The following CEP83 variants were observed in gnomAD, a reference collection of about 807,000 sequenced individuals.
CEP83 encodes the protein centrosomal protein 83.
A neutral mutation model predicts 101.9 loss-of-function variants in CEP83; 70 were observed. That is an observed-to-expected ratio of 0.69 (90% CI 0.57 to 0.84). CEP83 has a LOEUF of 0.84. CEP83 is among the 40% of genes least tolerant of loss of function. The pLI is 0.00. For synonymous variants in CEP83, 264 were observed against 267.9 expected (o/e 0.99, Z 0.14); for missense variants, 715 against 787.2 (o/e 0.91, Z 1.10).
At chr12:94,438,546 A>T (rs1309787758) in intron 1 of CEP83, among the ~76,000 whole-genome samples, 1 of 152,224 alleles carries the variant, frequency 6.6e-6, no homozygotes, top group Admixed American at 6.5e-5. Context: ...AAATTTATAA[A>T]ACAATTACTA....
intron 1 of CEP83, among the ~76,000 whole-genome samples, chr12:94,449,078 C>G (rs1005111382): frequency 6.9e-6 from 1 of 143,938 alleles, no homozygotes; most frequent in African/African-American, 2.6e-5. Flanking sequence ...ATACAAATTA[C>G]CAAAATCAAG....
downstream of CEP83, among the ~76,000 whole-genome samples, chr12:94,304,808 T>C (rs375423762): frequency 6.6e-6 from 1 of 152,196 alleles, no homozygotes. Context: ...GGGAAGGATC[T>C]GTCTCTGACC....
chr12:94,295,579 G>A, the CEP83 span, among the ~76,000 whole-genome samples: 48 of 152,164 alleles, frequency 3.2e-4, no homozygotes, highest in East Asian at 7.9e-3. Flanking sequence ...GAGAGCCACC[G>A]TCTTACACCC....
chr12:94,365,962 T>C (rs955494096), intron 11 of CEP83, among the ~76,000 whole-genome samples: 4 of 151,954 alleles, frequency 2.6e-5, no homozygotes, highest in African/African-American at 4.8e-5. Flanking sequence ...CAATGACATC[T>C]GGTATTTGTG....
At chr12:94,285,751 T>G in the CEP83 span, among the ~76,000 whole-genome samples, 1 of 152,130 alleles carries the variant, frequency 6.6e-6, no homozygotes, top group African/African-American at 2.4e-5. Flanking sequence ...TTCAGGGTTC[T>G]AGACCTGCAA....
intron 1 of CEP83, among the ~76,000 whole-genome samples, chr12:94,458,962 A>C (rs1239126429): frequency 6.6e-6 from 1 of 152,226 alleles, no homozygotes. Flanking sequence ...CTGCTTTAAC[A>C]ACCCACTCTG....
intron 4 of CEP83, among the ~76,000 whole-genome samples, chr12:94,406,118 CACTACACTAAAT>C (rs1311635893): frequency 2.0e-5 from 3 of 152,122 alleles, no homozygotes; most frequent in African/African-American, 7.2e-5. Context: ...AAATAATTAG[CACTACACTAAAT>C]ACTACTCTGC....
At chr12:94,418,509 A>T (rs376893275) in intron 2 of CEP83, among the ~76,000 whole-genome samples, 14 of 152,350 alleles carry the variant, frequency 9.2e-5, no homozygotes, top group African/African-American at 3.4e-4. Context: ...GAAAATAGAC[A>T]TACAAAATAA....
At chr12:94,310,438 A>G (rs1969675693) in intron 15 of CEP83, among the ~76,000 whole-genome samples, 1 of 152,178 alleles carries the variant, frequency 6.6e-6, no homozygotes, top group African/African-American at 2.4e-5. Flanking sequence ...CTCTAAACCA[A>G]AAGAGTGCCT....
At position 94,422,682 on chromosome 12, in the gene CEP83, A is replaced by G. The variant is rs371104167; in HGVS notation, c.-101-10091T>C. ...TTCTCACCATAGCTCCACCTGATCC[A>G]GAACATATTAAAGTGAAATCATACA... On this transcript the variant is annotated intron_variant, in intron 2 of 16. Transcript: ENST00000397809. Among the ~76,000 whole-genome samples the G allele has an allele frequency of 4.6e-5, 7 of 152,352 alleles. 1 individual carries two copies. Among genetic ancestry groups the G allele is most frequent in the African/African-American group, 1.7e-4 (7 of 41,592 alleles).
chr12:94,424,961 A>T, intron 2 of CEP83: 1 of 1,497,632 alleles, frequency 6.7e-7, no homozygotes, highest in African/African-American at 1.4e-5. Flanking sequence ...AGTCACGGAT[A>T]GCAGCATTTT....
intron 4 of CEP83, 83 bp downstream of exon 4, chr12:94,411,614 T>G (rs2063885506): frequency 2.2e-6 from 2 of 912,344 alleles, no homozygotes; most frequent in Admixed American, 4.7e-5. Context: ...AGACAGAAAT[T>G]GCCATATTCA....
intron 14 of CEP83, 135 bp from the exon 15 acceptor site, chr12:94,313,152 G>A (rs1451045525): frequency 6.6e-6 from 3 of 451,844 alleles, no homozygotes; most frequent in African/African-American, 2.0e-5. Flanking sequence ...ACAAAGGTTA[G>A]TAGACATGGC....
At chr12:94,325,067 G>T (rs765057297) in intron 14 of CEP83, among the ~76,000 whole-genome samples, 1 of 151,966 alleles carries the variant, frequency 6.6e-6, no homozygotes, top group Non-Finnish European at 1.5e-5. Flanking sequence ...TAACAACATG[G>T]CATCCTCCCT....
At chr12:94,438,607 T>A (rs887418747) in intron 1 of CEP83, among the ~76,000 whole-genome samples, 4 of 152,110 alleles carry the variant, frequency 2.6e-5, no homozygotes, top group African/African-American at 9.7e-5. Context: ...GAGACTTCAA[T>A]ACTCCACTAA....
In CEP83 at chr12:94,313,069, C is replaced by T. The variant is rs919716990; in HGVS notation, c.1708-52G>A. 22 of 781,792 alleles carry T rather than the reference C, an allele frequency of 2.8e-5. No individual in the cohort carries two copies. The Middle Eastern group carries it at 9.4e-4, about 33-fold the overall frequency. The allele number at this position is 781,792 out of a possible 1,614,324, so 48.4% of individuals were successfully genotyped here. A position where few individuals can be genotyped will look rare whatever the true frequency, so the allele number is the denominator to read the frequency against. On this transcript the variant is annotated intron_variant, in intron 14 of 16. Transcript: ENST00000397809. ...GTTAATACATAATCTCTTATTTGAACAAAACTATATAGAAAATATTTTACT... is the reference window on the plus strand; with the variant it reads ...GTTAATACATAATCTCTTATTTGAATAAAACTATATAGAAAATATTTTACT...
intron 2 of CEP83, chr12:94,424,023 G>C: frequency 6.2e-7 from 1 of 1,612,742 alleles, no homozygotes; most frequent in South Asian, 1.1e-5. Context: ...GAACCTGAAG[G>C]CTGCATGAGG....
chr12:94,375,701 C>T (rs1290326704), intron 8 of CEP83, among the ~76,000 whole-genome samples, 185 bp downstream of exon 8: 1 of 152,100 alleles, frequency 6.6e-6, no homozygotes, highest in African/African-American at 2.4e-5. Flanking sequence ...CAGTATCAAG[C>T]ATTCTAAAGA....
chr12:94,340,688 C>T (rs781566405), intron 11 of CEP83, among the ~76,000 whole-genome samples: 4 of 152,194 alleles, frequency 2.6e-5, no homozygotes, highest in African/African-American at 7.2e-5. Context: ...CCACCCGCCT[C>T]GGCCTCCCAA....
Sources: gnomAD v4.1 joint callset for allele counts (sites outside exome capture counted in the v4.1 genomes callset) on GRCh38, gnomAD v4.1.1 for gene constraint, MANE v1.5 for transcripts, NCBI Gene and HGNC (gene_info 2026-07-23, HGNC 2026-07-21) for gene names.